SLCO1B3: variants seen among roughly 807,000 people sequenced by gnomAD.
The protein encoded by SLCO1B3 is liver-specific organic anion transporter 2.
Under a neutral mutation model 71.8 loss-of-function variants are expected in SLCO1B3, and 72 were observed. That is an observed-to-expected ratio of 1.00 (90% CI 0.83 to 1.22). SLCO1B3 has a LOEUF of 1.22. Ranked by LOEUF, SLCO1B3 falls within the 50% of genes most tolerant of loss-of-function variation. The pLI, the probability that SLCO1B3 is intolerant of heterozygous loss-of-function variation, is 0.00. For synonymous variants in SLCO1B3, 298 were observed against 278.4 expected (o/e 1.07, Z -0.70); for missense variants, 911 against 819.7 (o/e 1.11, Z -1.36).
In SLCO1B3 at chr12:20,901,457, G is replaced by T. The variant is rs202234562; in HGVS notation, c.1855G>T (p.Val619Leu). The T allele has an allele frequency of 5.3e-6, 8 of 1,517,484 alleles. No homozygotes were observed. Among genetic ancestry groups the T allele is most frequent in the Non-Finnish European group, 7.1e-6 (8 of 1,130,608 alleles). The allele number at this position is 1,517,484 out of a possible 1,614,324, so 94.0% of individuals were successfully genotyped here. A position where few individuals can be genotyped will look rare whatever the true frequency, so the allele number is the denominator to read the frequency against. The change falls in exon 15 of 16, where the codon GTA (valine) becomes TTA (leucine). Residue 619 changes from valine to leucine, a missense_variant. By Grantham distance (32) the Val-to-Leu change is conservative. Coordinates refer to ENST00000381545, the MANE Select transcript of SLCO1B3 (RefSeq NM_019844.4). ...AQGACRIYNS[V>L]FFGRVYLGLS... ...AGGGGCTTGTAGGATATATAATTCC[G>T]TATTTTTTGGGTAAGTTGTCGTAAA...
rs371739820 is a variant in SLCO1B3, at chr12:20,889,866, A to C, written c.1682+6264A>C. ...TCTTGGCACTGATTTGTTGTATCTC[A>C]GAGGTTTTGGTATGTTGTGTCTTTA... is the stretch of plus-strand genomic sequence containing the variant. On this transcript the variant is annotated intron_variant, in intron 13 of 15. Transcript: ENST00000381545. Among the ~76,000 whole-genome samples, 11 of 151,232 alleles carry C rather than the reference A, an allele frequency of 7.3e-5. No homozygotes were observed. In the South Asian group the frequency reaches 2.3e-3, roughly 31 times the overall value.
At chr12:20,839,212 A>G (rs973535693) in intron 3 of SLCO1B3, among the ~76,000 whole-genome samples, 2 of 150,878 alleles carry the variant, frequency 1.3e-5, no homozygotes, top group Non-Finnish European at 2.9e-5. Flanking sequence ...TCAATTAAGA[A>G]TTAAAAAAAA....
chr12:20,890,084 A>AT (rs1251290820), intron 13 of SLCO1B3, among the ~76,000 whole-genome samples: 3 of 150,964 alleles, frequency 2.0e-5, no homozygotes, highest in East Asian at 3.9e-4. Context: ...CACCCAGCTA[A>AT]TTTTTTTTAT....
intron 3 of SLCO1B3, among the ~76,000 whole-genome samples, chr12:20,840,765 G>T (rs1864780894): frequency 6.6e-6 from 1 of 152,100 alleles, no homozygotes; most frequent in Non-Finnish European, 1.5e-5. Flanking sequence ...GGCTGAAGTT[G>T]GGTATTTCCT....
intron 3 of SLCO1B3, among the ~76,000 whole-genome samples, chr12:20,840,387 T>C (rs1458932267): frequency 1.0e-5 from 1 of 100,058 alleles, no homozygotes. Flanking sequence ...CAAATGCTTC[T>C]CAATTTTTTT....
intron 2 of SLCO1B3, among the ~76,000 whole-genome samples, chr12:20,815,037 A>G (rs1400177734): frequency 1.3e-5 from 2 of 149,306 alleles, no homozygotes; most frequent in Non-Finnish European, 3.0e-5. Flanking sequence ...CTTGAAAAAT[A>G]AGTGGATAAA....
chr12:20,847,779 C>T (rs1160282271), intron 3 of SLCO1B3, among the ~76,000 whole-genome samples: 1 of 151,336 alleles, frequency 6.6e-6, no homozygotes, highest in Non-Finnish European at 1.5e-5. Context: ...ATACAAATTA[C>T]AGGGATTTCA....
At chr12:20,814,986 T>C (rs1201225302) in intron 2 of SLCO1B3, among the ~76,000 whole-genome samples, 4 of 149,918 alleles carry the variant, frequency 2.7e-5, no homozygotes, top group African/African-American at 9.8e-5. Context: ...CTTTTCTTTT[T>C]TTTTTTTTTT....
At chr12:20,909,461 C>T (rs1866328690) in intron 15 of SLCO1B3, among the ~76,000 whole-genome samples, 2 of 151,866 alleles carry the variant, frequency 1.3e-5, no homozygotes, top group Non-Finnish European at 1.5e-5. Flanking sequence ...GTGTGAGCCA[C>T]CACACCCGGT....
Position 20,858,679 on chromosome 12 carries a change from C to T in SLCO1B3, c.359+108C>T, listed in dbSNP as rs113975854. 5.0e-6 allele frequency: 5 copies of T among 1,002,122 alleles called. No homozygotes were observed. The African/African-American group carries it at 6.5e-5, about 13-fold the overall frequency. 62.1% of individuals were successfully genotyped at this position (1,002,122 alleles called of 1,614,324 possible). A position where few individuals can be genotyped will look rare whatever the true frequency, so the allele number is the denominator to read the frequency against. On this transcript the variant is annotated intron_variant, in intron 5 of 15. Coordinates refer to ENST00000381545, the MANE Select transcript of SLCO1B3 (RefSeq NM_019844.4). ...GGCAGTTACCTTTTGAGAGGAATACCTATAGGTATGCATAGAGAAATGGAG... is the reference window on the plus strand; with the variant it reads ...GGCAGTTACCTTTTGAGAGGAATACTTATAGGTATGCATAGAGAAATGGAG...
chr12:20,840,238 A>T (rs1864766796), intron 3 of SLCO1B3, among the ~76,000 whole-genome samples: 2 of 152,028 alleles, frequency 1.3e-5, no homozygotes, highest in South Asian at 2.1e-4. Flanking sequence ...GCAAGGGAGG[A>T]TGTATTGGAT....
intron 2 of SLCO1B3, among the ~76,000 whole-genome samples, chr12:20,814,981 CTTTTTT>C (rs71039997): frequency 1.1e-5 from 1 of 89,294 alleles, no homozygotes; most frequent in Non-Finnish European, 2.3e-5. Flanking sequence ...CTTTTCTTTT[CTTTTTT>C]TTTTTTTTTG....
intron 1 of SLCO1B3, among the ~76,000 whole-genome samples, chr12:20,811,545 T>C (rs1290652521): frequency 6.6e-6 from 1 of 152,200 alleles, no homozygotes; most frequent in Non-Finnish European, 1.5e-5. Context: ...CTGGGTCACT[T>C]GGCCTGCACT....
intron 8 of SLCO1B3, among the ~76,000 whole-genome samples, chr12:20,874,661 G>C (rs1865542910): frequency 6.6e-6 from 1 of 152,128 alleles, no homozygotes; most frequent in African/African-American, 2.4e-5. Context: ...CTAACATTTA[G>C]AGTCCAATAT....
chr12:20,853,872 G>A (rs547697462), intron 3 of SLCO1B3, among the ~76,000 whole-genome samples: 2 of 145,820 alleles, frequency 1.4e-5, no homozygotes, highest in East Asian at 2.2e-4. Flanking sequence ...CTTTAGTGCT[G>A]CTTCCACTGC....
intron 1 of SLCO1B3, among the ~76,000 whole-genome samples, chr12:20,812,463 A>G (rs1229954490): frequency 6.6e-6 from 1 of 152,178 alleles, no homozygotes; most frequent in African/African-American, 2.4e-5. Flanking sequence ...TTGGAGCCGC[A>G]TTACAGCCAA....
intron 8 of SLCO1B3, among the ~76,000 whole-genome samples, chr12:20,864,128 C>T (rs1429033679): frequency 6.6e-6 from 1 of 152,044 alleles, no homozygotes; most frequent in East Asian, 1.9e-4. Context: ...ATTGGAAAAA[C>T]TTTTCTCTCT....
intron 4 of SLCO1B3, among the ~76,000 whole-genome samples, chr12:20,856,099 A>G (rs1314092442): frequency 1.3e-5 from 2 of 152,226 alleles, no homozygotes; most frequent in Non-Finnish European, 2.9e-5. Context: ...TCCCAGGCTC[A>G]ATGAAATCAT....
chr12:20,854,196 G>A (rs1247412893), intron 3 of SLCO1B3, among the ~76,000 whole-genome samples: 1 of 151,988 alleles, frequency 6.6e-6, no homozygotes, highest in African/African-American at 2.4e-5. Context: ...GATAGAGAGT[G>A]CTCTATTTGT....
Sources: gnomAD v4.1 joint callset for allele counts (sites outside exome capture counted in the v4.1 genomes callset) on GRCh38, gnomAD v4.1.1 for gene constraint, MANE v1.5 for transcripts, NCBI Gene and HGNC (gene_info 2026-07-23, HGNC 2026-07-21) for gene names.